Variants in MFHAS1 observed in about 807,000 individuals in gnomAD.
The protein encoded by MFHAS1 is multifunctional ROCO family signaling regulator 1.
Under a neutral mutation model 70.4 loss-of-function variants are expected in MFHAS1, and 50 were observed. That is an observed-to-expected ratio of 0.71 (90% CI 0.57 to 0.90). The LOEUF (loss-of-function observed/expected upper bound fraction) is 0.90. Ranked by LOEUF, MFHAS1 falls within the 40% of genes least tolerant of loss-of-function variation. The probability of loss-of-function intolerance (pLI) is 0.00; values close to 1 mark genes in which losing one functional copy is unlikely to be tolerated. For synonymous variants in MFHAS1, 952 were observed against 620.0 expected (o/e 1.54, Z -7.96); for missense variants, 1,795 against 1,347.6 (o/e 1.33, Z -5.20).
At chr8:8,872,705 C>A (rs1198817058) in intron 1 of MFHAS1, among the ~76,000 whole-genome samples, 1 of 151,986 alleles carries the variant, frequency 6.6e-6, no homozygotes. Context: ...CCTGGCCCAA[C>A]AGCCCCTAAG....
chr8:8,805,742 G>C (rs1173588879), intron 1 of MFHAS1, among the ~76,000 whole-genome samples: 1 of 152,152 alleles, frequency 6.6e-6, no homozygotes, highest in Non-Finnish European at 1.5e-5. Flanking sequence ...CTGTTGCCCA[G>C]GCTGGAGTGC....
chr8:8,844,307 G>A (rs1018581369), intron 1 of MFHAS1, among the ~76,000 whole-genome samples: 2 of 152,130 alleles, frequency 1.3e-5, no homozygotes, highest in African/African-American at 4.8e-5. Flanking sequence ...TCTTTAAAAT[G>A]GGAAAAATGA....
At chr8:8,873,849 C>A (rs529967818) in intron 1 of MFHAS1, among the ~76,000 whole-genome samples, 2 of 152,176 alleles carry the variant, frequency 1.3e-5, no homozygotes, top group African/African-American at 2.4e-5. Flanking sequence ...GAACATCATT[C>A]TTGCTGCCAC....
In MFHAS1 at chr8:8,892,633, G is replaced by A. The variant is rs199669294; in HGVS notation, c.426C>T (p.Leu142=). The A allele has an allele frequency of 1.2e-5, 20 of 1,604,132 alleles. No homozygotes were observed. The highest frequency in any genetic ancestry group is 1.5e-5 in the Non-Finnish European group (18 of 1,176,110). ...SALRELRKLN[L]SHNQLPALPA... ...GCAGGGCGGGCAGCTGGTTGTGGCTGAGGTTGAGCTTCCGCAGCTCCCTCA... is the reference window on the plus strand; with the variant it reads ...GCAGGGCGGGCAGCTGGTTGTGGCTAAGGTTGAGCTTCCGCAGCTCCCTCA... Residue 142 remains leucine (L), a synonymous_variant, in exon 1 of 3, where the codon CTC becomes CTT. Coordinates refer to ENST00000276282, the MANE Select transcript of MFHAS1 (RefSeq NM_004225.3). The surrounding 1 kb of genome is among the most constrained non-coding windows in gnomAD (Gnocchi z 4.7).
At chr8:8,798,692 G>GACACTA (rs1250958520) in intron 1 of MFHAS1, among the ~76,000 whole-genome samples, 2 of 152,104 alleles carry the variant, frequency 1.3e-5, no homozygotes, top group Non-Finnish European at 2.9e-5. Flanking sequence ...ACTGGGGAAA[G>GACACTA]ACACTACTGC....
chr8:8,892,352 C>G lies in MFHAS1; in HGVS notation c.707G>C (p.Gly236Ala). ...LRALKILWLS[G>A]AELGTLPAGF... ...GGCGGGCAGCGTGCCAAGCTCGGCC[C>G]CACTCAGCCAGAGGATCTTGAGGGC... is the stretch of plus-strand genomic sequence containing the variant. Residue 236 changes from glycine to alanine, a missense_variant, in exon 1 of 3, where the codon GGG becomes GCG. Transcript: ENST00000276282. This position sits in a 1 kb window ranked among gnomAD's most constrained non-coding sequence, Gnocchi z 4.7. The G allele has an allele frequency of 6.2e-7, 1 of 1,611,996 alleles. No individual in the cohort carries two copies. The highest frequency in any genetic ancestry group is 1.7e-4 in the Middle Eastern group (1 of 6,058).
intron 1 of MFHAS1, among the ~76,000 whole-genome samples, chr8:8,816,693 C>G (rs191332835): frequency 6.6e-6 from 1 of 152,276 alleles, no homozygotes; most frequent in Non-Finnish European, 1.5e-5. Context: ...TAGATGCTAT[C>G]TAATAATAAT....
At chr8:8,886,730 G>A (rs7818276) in intron 1 of MFHAS1, among the ~76,000 whole-genome samples, 39,382 of 152,020 alleles carry the variant, frequency 0.26, 6,143 homozygotes, top group East Asian at 0.49. Flanking sequence ...CTTTTTCAGC[G>A]TTGCATATAA....
At chr8:8,847,198 T>A (rs1419628281) in intron 1 of MFHAS1, among the ~76,000 whole-genome samples, 1 of 152,206 alleles carries the variant, frequency 6.6e-6, no homozygotes, top group African/African-American at 2.4e-5. Context: ...TTTTTTCTTT[T>A]GAGACAGAGT....
chr8:8,844,573 C>T lies in MFHAS1; in HGVS notation c.2998+45488G>A, dbSNP rs117861277. ...TCTAATTCTGCAGAGGCAGGGCTGGCTTCTGTCCACCTTCTCGGGCATAAA... is the reference window on the plus strand; with the variant it reads ...TCTAATTCTGCAGAGGCAGGGCTGGTTTCTGTCCACCTTCTCGGGCATAAA... On this transcript the variant is annotated intron_variant, in intron 1 of 2. Transcript: ENST00000276282. Among the ~76,000 whole-genome samples the T allele has an allele frequency of 1.8e-3, 268 of 152,340 alleles. 1 individual carries two copies. Among genetic ancestry groups the T allele is most frequent in the Non-Finnish European group, 3.2e-3 (217 of 68,022 alleles).
intron 1 of MFHAS1, among the ~76,000 whole-genome samples, chr8:8,825,639 C>G (rs1807130602): frequency 6.6e-6 from 1 of 152,106 alleles, no homozygotes; most frequent in Non-Finnish European, 1.5e-5. Flanking sequence ...TACAAATTTC[C>G]TCTTCTTGTA....
intron 1 of MFHAS1, among the ~76,000 whole-genome samples, chr8:8,865,531 G>A (rs560224618): frequency 4.6e-4 from 70 of 152,246 alleles, no homozygotes; most frequent in African/African-American, 1.6e-3. Context: ...TCCCAGGACA[G>A]CCCTGGTGAA....
At chr8:8,878,796 G>C (rs1220326976) in intron 1 of MFHAS1, among the ~76,000 whole-genome samples, 1 of 152,040 alleles carries the variant, frequency 6.6e-6, no homozygotes, top group Non-Finnish European at 1.5e-5. Context: ...TAATAGCATA[G>C]ACTTCATTTT....
chr8:8,830,252 T>C (rs537726924), intron 1 of MFHAS1, among the ~76,000 whole-genome samples: 1 of 152,328 alleles, frequency 6.6e-6, no homozygotes, highest in Admixed American at 6.5e-5. Flanking sequence ...AAGAAATGAC[T>C]GTAAAAACTC....
At chr8:8,883,624 C>G (rs34470797) in intron 1 of MFHAS1, among the ~76,000 whole-genome samples, 27,947 of 146,886 alleles carry the variant, frequency 0.19, 2,908 homozygotes, top group African/African-American at 0.28. Flanking sequence ...AGGAGAATCA[C>G]TTGAACCCAG....
chr8:8,799,204 A>C (rs2117261775), intron 1 of MFHAS1, among the ~76,000 whole-genome samples: 1 of 152,332 alleles, frequency 6.6e-6, no homozygotes, highest in African/African-American at 2.4e-5. Flanking sequence ...GCCTATAAGT[A>C]GATACCTATG....
intron 1 of MFHAS1, among the ~76,000 whole-genome samples, chr8:8,845,491 G>A (rs997759865): frequency 6.6e-6 from 1 of 152,180 alleles, no homozygotes; most frequent in African/African-American, 2.4e-5. Flanking sequence ...TGAGGCTGCC[G>A]GAAACAGGTT....
intron 1 of MFHAS1, among the ~76,000 whole-genome samples, chr8:8,851,418 T>C (rs1490246466): frequency 6.6e-6 from 1 of 152,178 alleles, no homozygotes; most frequent in Non-Finnish European, 1.5e-5. Flanking sequence ...CAGAAATGCA[T>C]GGACAGGTTC....
intron 1 of MFHAS1, among the ~76,000 whole-genome samples, chr8:8,870,889 C>G (rs1016033255): frequency 1.3e-5 from 2 of 152,194 alleles, no homozygotes; most frequent in African/African-American, 4.8e-5. Context: ...ATGTTAAAAG[C>G]AACCATGTGC....
Sources: gnomAD v4.1 joint callset for allele counts (sites outside exome capture counted in the v4.1 genomes callset) on GRCh38, gnomAD v4.1.1 for gene constraint, Gnocchi (gnomAD v3.1) non-coding constraint, MANE v1.5 for transcripts, NCBI Gene and HGNC (gene_info 2026-07-23, HGNC 2026-07-21) for gene names.